Variants in ALDH2 observed in about 807,000 individuals in gnomAD.
ALDH2 encodes the protein aldehyde dehydrogenase, mitochondrial.
A neutral mutation model predicts 59.6 loss-of-function variants in ALDH2; 44 were observed. That is an observed-to-expected ratio of 0.74 (90% CI 0.58 to 0.95). ALDH2 has a LOEUF of 0.95. ALDH2 is among the 40% of genes least tolerant of loss of function. The pLI is 0.00. For synonymous variants in ALDH2, 291 were observed against 284.0 expected, an observed-to-expected ratio of 1.02 and a Z score of -0.25; for missense variants, 570 against 696.3, an observed-to-expected ratio of 0.82 and a Z score of 2.04.
At chr12:111,796,619 T>C (rs1447040391) in intron 9 of ALDH2, among the ~76,000 whole-genome samples, 2 of 152,134 alleles carry the variant, frequency 1.3e-5, no homozygotes, top group African/African-American at 2.4e-5. Flanking sequence ...TTTTAAAAAA[T>C]AGGCTGGGTG....
At position 111,815,860 on chromosome 12, in the gene ALDH2, C is replaced by T. The variant is rs183530297; in HGVS notation, c.*6285C>T. 6.6e-6 allele frequency: 1 copy of T among 151,594 alleles called. No homozygotes were observed. Among genetic ancestry groups the T allele is most frequent in the East Asian group, 2.0e-4 (1 of 5,106 alleles). The allele number at this position is 151,594 out of a possible 1,614,324, so 9.4% of individuals were successfully genotyped here. On this transcript the variant is annotated 3_prime_UTR_variant, in exon 13 of 13. Transcript: ENST00000261733. ...CAGGCTGGTCTCGAACTCCTGGCCT[C>T]AAGTCATCCTGCTGGCTTGGCCTCT...
rs530616948 is a variant in ALDH2 at position 111,817,208 on chromosome 12, A to T, written c.*7633A>T. ...AAGCTACAGAGGACATCACAACGGA[A>T]GTTATTAATGTGACCAAGGAAACAA... On this transcript the variant is annotated 3_prime_UTR_variant, in exon 13 of 13. Coordinates refer to ENST00000261733, the MANE Select transcript of ALDH2 (RefSeq NM_000690.4). 42 of 152,358 alleles carry T rather than the reference A, an allele frequency of 2.8e-4. No homozygotes were observed. The highest frequency in any genetic ancestry group is 9.9e-4 in the African/African-American group (41 of 41,582). 9.4% of individuals were successfully genotyped at this position (152,358 alleles called of 1,614,324 possible).
Position 111,783,215 on chromosome 12 carries a change from T to A in ALDH2, c.277T>A (p.Trp93Arg). The change falls in exon 3 of 13, where the codon TGG (tryptophan) becomes AGG (arginine). Residue 93 changes from tryptophan to arginine, a missense_variant. Coordinates refer to ENST00000261733, the MANE Select transcript of ALDH2 (RefSeq NM_000690.4). ...ARAAFQLGSP[W>R]RRMDASHRGR... is the part of the protein sequence containing the mutation. ...GGCCGCCTTCCAGCTGGGCTCACCT[T>A]GGCGCCGCATGGACGCATCACACAG... is the stretch of plus-strand genomic sequence containing the variant. The A allele has an allele frequency of 6.2e-7, 1 of 1,613,498 alleles. No homozygotes were observed. The highest frequency in any genetic ancestry group is 8.5e-7 in the Non-Finnish European group (1 of 1,179,690).
At chr12:111,784,492 C>T (rs1293955138) in intron 3 of ALDH2, among the ~76,000 whole-genome samples, 4 of 152,248 alleles carry the variant, frequency 2.6e-5, no homozygotes, top group Non-Finnish European at 5.9e-5. Flanking sequence ...TGTACCATCC[C>T]CTTTGCCCAG....
At chr12:111,769,603 A>G (rs2136005521) in intron 1 of ALDH2, among the ~76,000 whole-genome samples, 1 of 151,862 alleles carries the variant, frequency 6.6e-6, no homozygotes, top group South Asian at 2.1e-4. Context: ...AATGAGATGC[A>G]ACCACTTATA....
At chr12:111,783,532 T>G (rs1030102107) in intron 3 of ALDH2, among the ~76,000 whole-genome samples, 3 of 152,098 alleles carry the variant, frequency 2.0e-5, no homozygotes, top group African/African-American at 7.2e-5. Flanking sequence ...TTTTTTGAGA[T>G]GGAGTCTCAC....
rs1325765053 is a variant in ALDH2 at position 111,815,581 on chromosome 12, C to T, written c.*6006C>T. Reference sequence around the variant, plus strand: ...CCATCTATGACTCCTACTGTATCTTCCATGCCAGGAGTAAGGGTGAGGATA... The same window carrying T: ...CCATCTATGACTCCTACTGTATCTTTCATGCCAGGAGTAAGGGTGAGGATA... On this transcript the variant is annotated 3_prime_UTR_variant, in exon 13 of 13. Coordinates refer to ENST00000261733, the MANE Select transcript of ALDH2 (RefSeq NM_000690.4). 1 of 152,058 alleles carries T rather than the reference C, an allele frequency of 6.6e-6. No homozygotes were observed. Among genetic ancestry groups the T allele is most frequent in the Non-Finnish European group, 1.5e-5 (1 of 68,014 alleles). 9.4% of individuals were successfully genotyped at this position (152,058 alleles called of 1,614,324 possible). A position where few individuals can be genotyped will look rare whatever the true frequency, so the allele number is the denominator to read the frequency against.
At chr12:111,790,300 A>G (rs1566188397) in intron 5 of ALDH2, 134 bp from the exon 6 acceptor site, 2 of 1,122,478 alleles carry the variant, frequency 1.8e-6, no homozygotes. Context: ...ACCACGATGG[A>G]TGGAGTTAGG....
intron 9 of ALDH2, among the ~76,000 whole-genome samples, chr12:111,797,463 T>C: frequency 6.6e-6 from 1 of 152,070 alleles, no homozygotes; most frequent in African/African-American, 2.4e-5. Flanking sequence ...TAGCCCAGCG[T>C]AGGGGTGCAT....
At chr12:111,785,966 A>G (rs1258977231) in intron 4 of ALDH2, among the ~76,000 whole-genome samples, 1 of 152,184 alleles carries the variant, frequency 6.6e-6, no homozygotes, top group African/African-American at 2.4e-5. Flanking sequence ...GTATTCTCTT[A>G]TAATCCTTTT....
chr12:111,782,009 C>T lies in ALDH2; in HGVS notation c.206C>T (p.Ala69Val). ...PSTGEVICQV[A>V]EGDKEDVDKA... ...ACTGGAGAGGTCATCTGTCAGGTAG[C>T]TGAAGGGGACAAGGTGAGAACTGGT... The change falls in exon 2 of 13, where the codon GCT becomes GTT. Residue 69 changes from alanine to valine, a missense_variant. By Grantham distance (64) the Ala-to-Val change is moderately conservative (BLOSUM62 0). Transcript: ENST00000261733. The T allele has an allele frequency of 1.9e-6, 3 of 1,613,666 alleles. No individual in the cohort carries two copies. Among genetic ancestry groups the T allele is most frequent in the Non-Finnish European group, 2.5e-6 (3 of 1,179,672 alleles).
chr12:111,798,344 GC>G, intron 10 of ALDH2, 102 bp downstream of exon 10: 1 of 1,321,482 alleles, frequency 7.6e-7, no homozygotes, highest in Non-Finnish European at 1.0e-6. Context: ...CTGGCTTGGG[GC>G]CAGATCTCAA....
Position 111,801,693 on chromosome 12 carries a change from C to CA in ALDH2, c.1406+1645dup, listed in dbSNP as rs773754247. 6.6e-3 allele frequency among the ~76,000 whole-genome samples: 584 copies of CA among 88,476 alleles called. 11 individuals are homozygous for CA. The East Asian group carries it at 0.092, about 14-fold the overall frequency. The allele number at this position is 88,476 out of a possible 152,430, so 58.0% of individuals were successfully genotyped here. A position where few individuals can be genotyped will look rare whatever the true frequency, so the allele number is the denominator to read the frequency against. Reference sequence around the variant, plus strand: ...CAGCCTGAGCGATAGAGTGAGACTCCAAAAAAAAAAAAAAAGAACCCAGGC... The same window carrying CA: ...CAGCCTGAGCGATAGAGTGAGACTCCAAAAAAAAAAAAAAAAGAACCCAGGC... On this transcript the variant is annotated intron_variant, in intron 11 of 12. Transcript: ENST00000261733.
At position 111,809,744 on chromosome 12, in the gene ALDH2, T is replaced by C; in HGVS notation, c.*169T>C. Reference sequence around the variant, plus strand: ...AATTTGAATTGATAAACATGGTGGGTTGGCTGAGGGTAAGAGTATATGAGG... The same window carrying C: ...AATTTGAATTGATAAACATGGTGGGCTGGCTGAGGGTAAGAGTATATGAGG... On this transcript the variant is annotated 3_prime_UTR_variant, in exon 13 of 13. Coordinates refer to ENST00000261733, the MANE Select transcript of ALDH2 (RefSeq NM_000690.4). 1 of 727,960 alleles carries C rather than the reference T, an allele frequency of 1.4e-6. No individual in the cohort carries two copies. The highest frequency in any genetic ancestry group is 2.3e-6 in the Non-Finnish European group (1 of 436,898). The allele number at this position is 727,960 out of a possible 1,614,324, so 45.1% of individuals were successfully genotyped here.
In ALDH2 at chr12:111,803,905, T is replaced by C. The variant is rs1381482087; in HGVS notation, c.1453T>C (p.Tyr485His). 6.2e-7 allele frequency: 1 copy of C among 1,613,500 alleles called. No individual in the cohort carries two copies. The highest frequency in any genetic ancestry group is 1.7e-5 in the Admixed American group (1 of 59,908). Residue 485 changes from tyrosine (Y) to histidine (H), a missense_variant, in exon 12 of 13, where the codon TAC becomes CAC. Physicochemically the swap from Tyr to His is moderately conservative, Grantham distance 83 (BLOSUM62 2). Coordinates refer to ENST00000261733, the MANE Select transcript of ALDH2 (RefSeq NM_000690.4). ...TGGAGCCCAGTCACCCTTTGGTGGC[T>C]ACAAGATGTCGGGGAGTGGCCGGGA... ...VFGAQSPFGG[Y>H]KMSGSGRELG...
In ALDH2 at chr12:111,767,107, C is replaced by A. The variant is rs1433924969; in HGVS notation, c.114+11C>A. ...GTCTTCTGCAACCAGGTGAGCCCAC[C>A]GGCCGGGCTCGCGCTTTGTTTTCCG... On this transcript the variant is annotated intron_variant, in intron 1 of 12. Coordinates refer to ENST00000261733, the MANE Select transcript of ALDH2 (RefSeq NM_000690.4). 1.4e-6 allele frequency: 2 copies of A among 1,474,898 alleles called. No homozygotes were observed. Among genetic ancestry groups the A allele is most frequent in the South Asian group, 1.3e-5 (1 of 76,308 alleles). 91.4% of individuals were successfully genotyped at this position (1,474,898 alleles called of 1,614,324 possible). A position where few individuals can be genotyped will look rare whatever the true frequency, so the allele number is the denominator to read the frequency against.
rs776526118 is a variant in ALDH2 at position 111,800,020 on chromosome 12, A to G, written c.1363A>G (p.Lys455Glu). ...AAAVFTKDLDKANYLSQALQA... is the reference protein window; with the variant it reads ...AAAVFTKDLDEANYLSQALQA... ...AGCTGTCTTCACAAAGGATTTGGAC[A>G]AGGCCAATTACCTGTCCCAGGCCCT... Residue 455 changes from lysine (K) to glutamate (E), a missense_variant, in exon 11 of 13, where the codon AAG becomes GAG. By Grantham distance (56) the Lys-to-Glu change is moderately conservative. Transcript: ENST00000261733. 7 of 1,613,616 alleles carry G rather than the reference A, an allele frequency of 4.3e-6. No individual in the cohort carries two copies. The highest frequency in any genetic ancestry group is 5.9e-6 in the Non-Finnish European group (7 of 1,179,944).
chr12:111,787,101 G>A (rs2068316167), intron 4 of ALDH2, among the ~76,000 whole-genome samples: 1 of 152,058 alleles, frequency 6.6e-6, no homozygotes, highest in African/African-American at 2.4e-5. Flanking sequence ...AGCTACTCAG[G>A]AGGCTGAGGC....
chr12:111,785,182 G>A (rs1474773216), intron 3 of ALDH2, 85 bp from the exon 4 acceptor site: 2 of 1,108,672 alleles, frequency 1.8e-6, no homozygotes, highest in Non-Finnish European at 1.4e-6. Context: ...GCCCTTCTCA[G>A]TCCCAGCCTT....
Sources: allele counts gnomAD v4.1 joint callset (sites outside exome capture counted in the v4.1 genomes callset), GRCh38; gene constraint gnomAD v4.1.1; transcripts MANE v1.5; gene names NCBI Gene and HGNC (gene_info 2026-07-23, HGNC 2026-07-21).